Variants in NAV1 observed in about 807,000 individuals in gnomAD.
NAV1 encodes pore membrane and/or filament interacting like protein 3.
In NAV1, 18 loss-of-function variants were observed where a neutral mutation model predicts 175.2. That is an observed-to-expected ratio of 0.10 (90% confidence interval 0.07 to 0.15). NAV1 has a LOEUF of 0.15. Among genes scored for constraint, NAV1 ranks in the 10% least tolerant of loss-of-function variants. The pLI is 1.00. For synonymous variants in NAV1, 897 were observed against 978.7 expected (o/e 0.92, Z 1.56); for missense variants, 1,731 against 2,436.6 (o/e 0.71, Z 6.10).
chr1:201,558,746 G>A (rs921370235), intron 1 of NAV1, among the ~76,000 whole-genome samples: 2 of 151,894 alleles, frequency 1.3e-5, no homozygotes, highest in African/African-American at 2.4e-5. Flanking sequence ...CACCGCGCCC[G>A]GCACAGGTGT....
chr1:201,722,142 G>A (rs565191772), intron 3 of NAV1, among the ~76,000 whole-genome samples: 3 of 152,234 alleles, frequency 2.0e-5, no homozygotes, highest in East Asian at 3.9e-4. Flanking sequence ...ATTTTAAAGT[G>A]TACAGTTTAG....
rs369142912 is a variant in NAV1, at chr1:201,802,608, G to A, written c.3518-985G>A. Among the ~76,000 whole-genome samples, 83 of 151,586 alleles carry A rather than the reference G, an allele frequency of 5.5e-4. 1 individual carries two copies. In the South Asian group the frequency reaches 0.017, roughly 31 times the overall value. ...AGCCTGGTCAACATGGTGAAACCCC[G>A]TCTCTACTAAAAATACGAAAAAATT... On this transcript the variant is annotated intron_variant, in intron 15 of 29. Transcript: ENST00000367296.
intron 2 of NAV1, among the ~76,000 whole-genome samples, chr1:201,602,667 G>GT (rs374267102): frequency 0.031 from 3,733 of 120,618 alleles, 80 homozygotes; most frequent in African/African-American, 0.043. Context: ...TTTTTTTTTG[G>GT]TTTTTTTTTT....
At chr1:201,793,896 TGGGAGGGGTGGGTGCG>T in intron 14 of NAV1, 21 bp downstream of exon 18, 2 of 260,308 alleles carry the variant, frequency 7.7e-6, no homozygotes, top group Non-Finnish European at 1.6e-5. Context: ...TGGGAAAGGG[TGGGAGGGGTGGGTGCG>T]GCGAGGGGGT....
At chr1:201,790,794 A>G (rs1316523541) in intron 13 of NAV1, 28 bp downstream of exon 17, 11 of 1,612,354 alleles carry the variant, frequency 6.8e-6, no homozygotes, top group Non-Finnish European at 9.3e-6. Flanking sequence ...CGGAAAGATC[A>G]AGGCAGTTAT....
intron 1 of NAV1, among the ~76,000 whole-genome samples, chr1:201,655,492 C>T (rs1357282108): frequency 3.9e-5 from 6 of 152,220 alleles, no homozygotes; most frequent in African/African-American, 1.2e-4. Context: ...ACTGGCCCTG[C>T]GTGGGCAGGT....
chr1:201,639,013 G>T (rs939164614), intron 2 of NAV1, among the ~76,000 whole-genome samples: 2 of 152,198 alleles, frequency 1.3e-5, no homozygotes, highest in African/African-American at 4.8e-5. Context: ...AAGGCAGAGC[G>T]GTGTGCGATG....
intron 3 of NAV1, among the ~76,000 whole-genome samples, chr1:201,763,044 G>A (rs1674960952): frequency 6.6e-6 from 1 of 152,140 alleles, no homozygotes; most frequent in Non-Finnish European, 1.5e-5. Flanking sequence ...GCCTCCTTCA[G>A]GCCCTCTCCA....
At chr1:201,595,038 C>T (rs996652290) in intron 2 of NAV1, among the ~76,000 whole-genome samples, 1 of 152,208 alleles carries the variant, frequency 6.6e-6, no homozygotes, top group Non-Finnish European at 1.5e-5. Flanking sequence ...CTGAGGATTG[C>T]TTCATGTCTC....
chr1:201,790,310 T>A (rs1405894513), intron 11 of NAV1, among the ~76,000 whole-genome samples: 1 of 152,218 alleles, frequency 6.6e-6, no homozygotes, highest in African/African-American at 2.4e-5. Context: ...TTTCCTAGCC[T>A]TTTTGGCAAT....
At chr1:201,622,158 G>A (rs1478517103), upstream of NAV1, among the ~76,000 whole-genome samples, 1 of 152,094 alleles carries the variant, frequency 6.6e-6, no homozygotes, top group Admixed American at 6.5e-5. Context: ...GGGGGAGGTG[G>A]GTAGGGAATG....
intron 1 of NAV1, among the ~76,000 whole-genome samples, chr1:201,564,159 AAGGC>A (rs934292327): frequency 9.8e-4 from 148 of 150,496 alleles, no homozygotes; most frequent in South Asian, 3.6e-3. Flanking sequence ...GGAAGGAAGG[AAGGC>A]AGGCAGGCAG....
chr1:201,714,881 C>T (rs1268695180), intron 2 of NAV1, among the ~76,000 whole-genome samples: 1 of 152,194 alleles, frequency 6.6e-6, no homozygotes, highest in South Asian at 2.1e-4. Context: ...CCAGTCCCTC[C>T]GTTAAGCCGG....
At chr1:201,739,760 C>G (rs1027611124) in intron 3 of NAV1, 8 of 1,201,302 alleles carry the variant, frequency 6.7e-6, no homozygotes, top group Non-Finnish European at 7.2e-6. Flanking sequence ...TTAAAGAGCC[C>G]GCTCGCAGCC....
chr1:201,767,322 G>A (rs1675270431), intron 3 of NAV1, among the ~76,000 whole-genome samples: 1 of 151,554 alleles, frequency 6.6e-6, no homozygotes, highest in Admixed American at 6.6e-5. Flanking sequence ...ATGGTGGTGG[G>A]CACCTGTAAT....
Position 201,750,800 on chromosome 1 carries a change from C to G in NAV1, c.1227-29621C>G, listed in dbSNP as rs12092867. Among the ~76,000 whole-genome samples the G allele has an allele frequency of 0.022, 3,336 of 151,790 alleles. 115 individuals carry two copies. The highest frequency in any genetic ancestry group is 0.067 in the African/African-American group (2,782 of 41,394). On this transcript the variant is annotated intron_variant, in intron 3 of 29. Transcript: ENST00000367296. The surrounding 1 kb of genome is among the most constrained non-coding windows in gnomAD (Gnocchi z 4.1). ...CCTGCCTTTCTGAGATCGGAGGAGGCCTGGAGGGTGGGGTGAAGTTGTGAG... is the reference window on the plus strand; with the variant it reads ...CCTGCCTTTCTGAGATCGGAGGAGGGCTGGAGGGTGGGGTGAAGTTGTGAG...
chr1:201,588,760 T>A (rs556870631), intron 2 of NAV1, among the ~76,000 whole-genome samples, 111 bp downstream of exon 2: 1 of 152,160 alleles, frequency 6.6e-6, no homozygotes, highest in Non-Finnish European at 1.5e-5. Flanking sequence ...CTTTTGTTGA[T>A]GGTGAAAATG....
At chr1:201,752,923 A>G (rs933825370) in intron 3 of NAV1, among the ~76,000 whole-genome samples, 1 of 152,006 alleles carries the variant, frequency 6.6e-6, no homozygotes, top group Non-Finnish European at 1.5e-5. Flanking sequence ...TGTAATTTAC[A>G]TGTTGGGACC....
intron 15 of NAV1, chr1:201,796,708 T>C (rs1677476897): frequency 6.6e-6 from 1 of 152,256 alleles, no homozygotes; most frequent in African/African-American, 2.4e-5. Context: ...TGGTATCTCG[T>C]TGTGGTTTTG....
Sources: gnomAD v4.1 joint callset for allele counts (sites outside exome capture counted in the v4.1 genomes callset) on GRCh38, gnomAD v4.1.1 for gene constraint, Gnocchi (gnomAD v3.1) non-coding constraint, MANE v1.5 for transcripts, NCBI Gene and HGNC (gene_info 2026-07-23, HGNC 2026-07-21) for gene names.